The following FSIP2 variants were observed in gnomAD, a reference collection of about 807,000 sequenced individuals.
FSIP2 encodes fibrous sheath interacting protein 2.
A neutral mutation model predicts 510.5 loss-of-function variants in FSIP2; 367 were observed. That is an observed-to-expected ratio of 0.72 (90% CI 0.66 to 0.78). The LOEUF (loss-of-function observed/expected upper bound fraction) is 0.78, where lower values mean the gene tolerates loss of function less well. FSIP2 is among the 30% of genes least tolerant of loss of function. FSIP2 has a pLI of 0.00. For missense variants in FSIP2, 7,594 were observed against 7,901.7 expected (o/e 0.96, Z 1.48); for synonymous variants, 2,601 against 2,732.2 (o/e 0.95, Z 1.50).
intron 13 of FSIP2, chr2:185,765,300 T>G (rs1252508058): frequency 1.3e-5 from 2 of 152,098 alleles, no homozygotes; most frequent in Non-Finnish European, 2.9e-5. Context: ...CCTCACTTCA[T>G]GTAGTTACTA....
In FSIP2 at chr2:185,831,732, A is replaced by C. The variant is rs1694112493; in HGVS notation, c.20518-81A>C. On this transcript the variant is annotated intron_variant, in intron 21 of 22. Coordinates refer to ENST00000424728, the MANE Select transcript of FSIP2 (RefSeq NM_173651.4). ...TGTAGTGGTATTTATAGGTATATCT[A>C]GTGGATTTGAGGACTTATGGGTATA... 4 of 821,342 alleles carry C rather than the reference A, an allele frequency of 4.9e-6. No homozygotes were observed. In the South Asian group the frequency reaches 5.5e-5, roughly 11 times the overall value. 50.9% of individuals were successfully genotyped at this position (821,342 alleles called of 1,614,324 possible).
chr2:185,831,776 TGAAA>T (rs749024231), intron 21 of FSIP2, 33 bp from the exon 22 acceptor site: 3 of 1,393,986 alleles, frequency 2.2e-6, no homozygotes, highest in Non-Finnish European at 3.1e-6. Context: ...TTGTGTCCAG[TGAAA>T]GACTCAGTTT....
In FSIP2 at chr2:185,803,482, T is replaced by C. The variant is rs1693488603; in HGVS notation, c.14176T>C (p.Leu4726=). ...NKDFLNDTKT[L]AARITNIILA... is the part of the protein sequence containing the mutation. ...AGATTTTCTAAATGACACAAAGACA[T>C]TGGCTGCAAGAATAACTAATATCAT... Residue 4726 remains leucine (L), a synonymous_variant, in exon 17 of 23, where the codon TTG becomes CTG. Coordinates refer to ENST00000424728, the MANE Select transcript of FSIP2 (RefSeq NM_173651.4). 2.6e-6 allele frequency: 4 copies of C among 1,530,646 alleles called. No homozygotes were observed. The highest frequency in any genetic ancestry group is 2.6e-6 in the Non-Finnish European group (3 of 1,144,106). The allele number at this position is 1,530,646 out of a possible 1,614,324, so 94.8% of individuals were successfully genotyped here. A position where few individuals can be genotyped will look rare whatever the true frequency, so the allele number is the denominator to read the frequency against.
intron 17 of FSIP2, among the ~76,000 whole-genome samples, chr2:185,812,882 T>C (rs1055518441): frequency 6.6e-6 from 1 of 152,088 alleles, no homozygotes; most frequent in African/African-American, 2.4e-5. Context: ...AATTTTGAGA[T>C]TCTGTGACGT....
chr2:185,737,184 T>A (rs550011654), upstream of FSIP2, among the ~76,000 whole-genome samples: 1 of 152,306 alleles, frequency 6.6e-6, no homozygotes, highest in South Asian at 2.1e-4. Flanking sequence ...TTCTGCCCAG[T>A]GAGATTCTCT....
chr2:185,784,020 G>C (rs1230179002), intron 14 of FSIP2: 1 of 152,190 alleles, frequency 6.6e-6, no homozygotes, highest in Non-Finnish European at 1.5e-5. Flanking sequence ...AGACACATAT[G>C]TCACATTCCT....
chr2:185,832,170 A>G (rs1286657938), intron 22 of FSIP2, among the ~76,000 whole-genome samples: 1 of 151,976 alleles, frequency 6.6e-6, no homozygotes, highest in African/African-American at 2.4e-5. Flanking sequence ...TTAAAGAGAA[A>G]AATGACAATA....
intron 13 of FSIP2, among the ~76,000 whole-genome samples, chr2:185,779,017 G>C (rs1355068798): frequency 6.6e-6 from 1 of 151,742 alleles, no homozygotes; most frequent in Non-Finnish European, 1.5e-5. Flanking sequence ...TATGTTTTTT[G>C]CCTTAAATGT....
chr2:185,807,880 T>C lies in FSIP2; in HGVS notation c.18574T>C (p.Ser6192Pro). Residue 6192 changes from serine (S) to proline (P), a missense_variant, in exon 17 of 23, where the codon TCT becomes CCT. Transcript: ENST00000424728. ...IAVKFLSKLL[S>P]IFPKVHKERT... ...TGTGAAATTTTTATCAAAGCTTTTATCTATATTTCCAAAAGTACATAAAGA... is the reference window on the plus strand; with the variant it reads ...TGTGAAATTTTTATCAAAGCTTTTACCTATATTTCCAAAAGTACATAAAGA... 6.2e-7 allele frequency: 1 copy of C among 1,605,956 alleles called. No homozygotes were observed. Among genetic ancestry groups the C allele is most frequent in the Non-Finnish European group, 8.5e-7 (1 of 1,177,132 alleles).
chr2:185,807,359 C>A lies in FSIP2; in HGVS notation c.18053C>A (p.Ser6018Tyr). The change falls in exon 17 of 23, where the codon TCT becomes TAT. Residue 6018 changes from serine (S) to tyrosine (Y), a missense_variant. Coordinates refer to ENST00000424728, the MANE Select transcript of FSIP2 (RefSeq NM_173651.4). ...LPHKFLENVI[S>Y]ALFSKIFSTI... ...CATAAATTTTTGGAGAATGTGATTT[C>A]TGCTCTTTTCTCCAAAATTTTCTCA... 1 of 1,609,414 alleles carries A rather than the reference C, an allele frequency of 6.2e-7. No individual in the cohort carries two copies. Among genetic ancestry groups the A allele is most frequent in the Non-Finnish European group, 8.5e-7 (1 of 1,178,472 alleles).
In FSIP2 at chr2:185,805,058, C is replaced by A; in HGVS notation, c.15752C>A (p.Ser5251Tyr). 1 of 1,600,734 alleles carries A rather than the reference C, an allele frequency of 6.2e-7. No homozygotes were observed. Among genetic ancestry groups the A allele is most frequent in the South Asian group, 1.1e-5 (1 of 89,484 alleles). The change falls in exon 17 of 23, where the codon TCT becomes TAT. Residue 5251 changes from serine to tyrosine, a missense_variant. Ser to Tyr is a moderately radical substitution (Grantham distance 144, BLOSUM62 -2). Coordinates refer to ENST00000424728, the MANE Select transcript of FSIP2 (RefSeq NM_173651.4). ...GAAGAATCATCTTTCAGTGACTTAT[C>A]TGATTATGACCATGTCTCTGAACTT... ...HGEESSFSDL[S>Y]DYDHVSELAK...
chr2:185,795,728 T>C lies in FSIP2; in HGVS notation c.8592T>C (p.Asn2864=), dbSNP rs1574188024. ...GTAAGCTATTGATGATAGCTGAAAATGTTTTGACTGAAATTTCAATAAAAG... is the reference window on the plus strand; with the variant it reads ...GTAAGCTATTGATGATAGCTGAAAACGTTTTGACTGAAATTTCAATAAAAG... ...EKCKLLMIAE[N]VLTEISIKAK... Residue 2864 remains asparagine (N), a synonymous_variant, in exon 16 of 23, where the codon AAT becomes AAC. Coordinates refer to ENST00000424728, the MANE Select transcript of FSIP2 (RefSeq NM_173651.4). The C allele has an allele frequency of 5.2e-6, 8 of 1,532,806 alleles. No homozygotes were observed. In the East Asian group the frequency reaches 2.0e-4, roughly 38 times the overall value. The allele number at this position is 1,532,806 out of a possible 1,614,324, so 95.0% of individuals were successfully genotyped here.
In FSIP2 at chr2:185,793,431, T is replaced by C. The variant is rs1693187200; in HGVS notation, c.6295T>C (p.Cys2099Arg). The C allele has an allele frequency of 2.6e-6, 4 of 1,534,124 alleles. No individual in the cohort carries two copies. The highest frequency in any genetic ancestry group is 2.7e-5 in the African/African-American group (2 of 72,866). Residue 2099 changes from cysteine (C) to arginine (R), a missense_variant, in exon 16 of 23, where the codon TGT (cysteine) becomes CGT (arginine). By Grantham distance (180) the Cys-to-Arg change is radical. Coordinates refer to ENST00000424728, the MANE Select transcript of FSIP2 (RefSeq NM_173651.4). ...QIQDTIEGILCDIYEKTLFQN... is the reference protein window; with the variant it reads ...QIQDTIEGILRDIYEKTLFQN... ...ACAAGATACCATTGAAGGTATCCTA[T>C]GTGATATTTATGAAAAAACCCTGTT...
intron 9 of FSIP2, among the ~76,000 whole-genome samples, chr2:185,759,978 T>G (rs1304259171): frequency 6.8e-6 from 1 of 147,984 alleles, no homozygotes; most frequent in Non-Finnish European, 1.5e-5. Context: ...ATTATCTATT[T>G]ATTTGTGATG....
intron 7 of FSIP2, among the ~76,000 whole-genome samples, chr2:185,752,126 T>C (rs1692160776): frequency 6.6e-6 from 1 of 151,308 alleles, no homozygotes. Context: ...CTTACTTTTG[T>C]ATGTCTGCAA....
rs576446909 is a variant in FSIP2, at chr2:185,799,390, T to G, written c.10391-307T>G. On this transcript the variant is annotated intron_variant, in intron 16 of 22. Coordinates refer to ENST00000424728, the MANE Select transcript of FSIP2 (RefSeq NM_173651.4). ...AGGATGCATCGCTAAGCCTGGAAAT[T>G]ATTTCTCTGCCCCAAGCTTTCCAGC... is the stretch of plus-strand genomic sequence containing the variant. 3.9e-5 allele frequency among the ~76,000 whole-genome samples: 6 copies of G among 151,934 alleles called. 1 individual carries two copies. The highest frequency in any genetic ancestry group is 1.4e-4 in the African/African-American group (6 of 41,496).
Position 185,801,642 on chromosome 2 carries a change from T to A in FSIP2, c.12336T>A (p.Ile4112=). The part of the protein sequence containing the change: ...PHSYYPLKPE[I]ILQKLQSNLT... The stretch of plus-strand genomic sequence containing the variant: ...CATATTACCCTCTCAAACCTGAAAT[T>A]ATATTGCAAAAGCTTCAAAGTAACC... Residue 4112 remains isoleucine (I), a synonymous_variant, in exon 17 of 23, where the codon ATT becomes ATA. Coordinates refer to ENST00000424728, the MANE Select transcript of FSIP2 (RefSeq NM_173651.4). The A allele has an allele frequency of 1.3e-6, 2 of 1,530,118 alleles. No homozygotes were observed. Among genetic ancestry groups the A allele is most frequent in the South Asian group, 1.2e-5 (1 of 83,168 alleles). 94.8% of individuals were successfully genotyped at this position (1,530,118 alleles called of 1,614,324 possible).
In FSIP2 at chr2:185,791,733, T is replaced by A. The variant is rs200352552; in HGVS notation, c.4597T>A (p.Ser1533Thr). ...FASIIEKMAKSTKIISSIVSR... is the reference protein window; with the variant it reads ...FASIIEKMAKTTKIISSIVSR... Reference sequence around the variant, plus strand: ...TTCAATTATTGAGAAAATGGCCAAATCCACCAAAATAATCTCCAGCATAGT... The same window carrying A: ...TTCAATTATTGAGAAAATGGCCAAAACCACCAAAATAATCTCCAGCATAGT... The change falls in exon 16 of 23, where the codon TCC becomes ACC. Residue 1533 changes from serine (S) to threonine (T), a missense_variant. By Grantham distance (58) the Ser-to-Thr change is moderately conservative. Coordinates refer to ENST00000424728, the MANE Select transcript of FSIP2 (RefSeq NM_173651.4). 642 of 1,534,314 alleles carry A rather than the reference T, an allele frequency of 4.2e-4. 3 individuals are homozygous for A. The Middle Eastern group carries it at 0.013, about 31-fold the overall frequency.
rs1370552345 is a variant in FSIP2 at position 185,795,796 on chromosome 2, C to T, written c.8660C>T (p.Pro2887Leu). The T allele has an allele frequency of 6.5e-7, 1 of 1,533,730 alleles. No homozygotes were observed. Among genetic ancestry groups the T allele is most frequent in the Non-Finnish European group, 8.7e-7 (1 of 1,145,126 alleles). Residue 2887 changes from proline to leucine, a missense_variant, in exon 16 of 23, where the codon CCT (proline) becomes CTT (leucine). By Grantham distance (98) the Pro-to-Leu change is moderately conservative. Transcript: ENST00000424728. ...TCTCTTTCACTTTTAAATTTGCCCC[C>T]TCTTGAGAATTGTGAAAGCAGGTTT... ...EYSLSLLNLP[P>L]LENCESRFYN...
Sources: gnomAD v4.1 joint callset for allele counts (sites outside exome capture counted in the v4.1 genomes callset) on GRCh38, gnomAD v4.1.1 for gene constraint, MANE v1.5 for transcripts, NCBI Gene and HGNC (gene_info 2026-07-23, HGNC 2026-07-21) for gene names.